The following SUZ12 variants were observed in gnomAD, a reference collection of about 807,000 sequenced individuals.
SUZ12 encodes the protein polycomb protein SUZ12.
In SUZ12, 17 loss-of-function variants were observed where a neutral mutation model predicts 87.3. That is an observed-to-expected ratio of 0.19 (90% CI 0.13 to 0.29). The LOEUF is 0.29. Ranked by LOEUF, SUZ12 falls within the 10% of genes least tolerant of loss-of-function variation. SUZ12 has a pLI of 1.00. For synonymous variants in SUZ12, 253 were observed against 312.4 expected (o/e 0.81, Z 2.01); for missense variants, 526 against 912.2 (o/e 0.58, Z 5.45).
intron 9 of SUZ12, among the ~76,000 whole-genome samples, chr17:31,984,196 C>G (rs1345428186): frequency 6.6e-6 from 1 of 152,036 alleles, no homozygotes; most frequent in East Asian, 1.9e-4. Flanking sequence ...TAGGAATAGA[C>G]AAGCATATCA....
intron 4 of SUZ12, among the ~76,000 whole-genome samples, chr17:31,960,839 A>G (rs1204935272): frequency 6.6e-6 from 1 of 152,144 alleles, no homozygotes; most frequent in African/African-American, 2.4e-5. Flanking sequence ...CTCCTTCCCA[A>G]AGTGCTGGGG....
chr17:31,991,509 C>A (rs1231687928), intron 10 of SUZ12, among the ~76,000 whole-genome samples: 2 of 150,836 alleles, frequency 1.3e-5, no homozygotes, highest in Admixed American at 6.6e-5. Flanking sequence ...CAAATTATAC[C>A]TAATTGTTAA....
In SUZ12 at chr17:31,937,387, A is replaced by G; in HGVS notation, c.141A>G (p.Gly47=). 2 of 1,526,610 alleles carry G rather than the reference A, an allele frequency of 1.3e-6. No individual in the cohort carries two copies. Among genetic ancestry groups the G allele is most frequent in the Non-Finnish European group, 1.8e-6 (2 of 1,138,338 alleles). The allele number at this position is 1,526,610 out of a possible 1,614,324, so 94.6% of individuals were successfully genotyped here. The change falls in exon 1 of 16, where the codon GGA becomes GGG. Residue 47 remains glycine, a synonymous_variant. Coordinates refer to ENST00000322652, the MANE Select transcript of SUZ12 (RefSeq NM_015355.4). ...GCAAATCCGGCGGCGGGAGCTGTGGAGGGGGTGGCAGTTACTCGGCCTCCT... is the reference window on the plus strand; with the variant it reads ...GCAAATCCGGCGGCGGGAGCTGTGGGGGGGGTGGCAGTTACTCGGCCTCCT... ...SGGKSGGGSC[G]GGGSYSASSS... is the part of the protein sequence containing the mutation.
At chr17:31,994,122 G>T in intron 12 of SUZ12, 114 bp downstream of exon 12, 2 of 975,516 alleles carry the variant, frequency 2.1e-6, no homozygotes, top group South Asian at 1.9e-5. Flanking sequence ...GAAAAAATAT[G>T]CATTAAGTAC....
At chr17:31,979,393 C>T (rs181122049) in intron 8 of SUZ12, among the ~76,000 whole-genome samples, 1 of 152,164 alleles carries the variant, frequency 6.6e-6, no homozygotes, top group African/African-American at 2.4e-5. Flanking sequence ...AATACTATCT[C>T]CCCAGTTGAC....
chr17:31,953,029 G>A (rs1323414519), intron 4 of SUZ12, among the ~76,000 whole-genome samples: 1 of 152,038 alleles, frequency 6.6e-6, no homozygotes, highest in Non-Finnish European at 1.5e-5. Context: ...TTCTATTCCT[G>A]GTCTTCTGTT....
intron 9 of SUZ12, among the ~76,000 whole-genome samples, chr17:31,986,544 TTTTTGTTTTG>T (rs370809527): frequency 1.0e-4 from 15 of 150,654 alleles, no homozygotes; most frequent in African/African-American, 4.9e-5. Flanking sequence ...TCTAAGTAGT[TTTTTGTTTTG>T]TTTTGTTTTG....
intron 12 of SUZ12, 115 bp downstream of exon 12, chr17:31,994,123 C>T: frequency 1.0e-6 from 1 of 959,600 alleles, no homozygotes. Flanking sequence ...AAAAAATATG[C>T]ATTAAGTACA....
chr17:31,963,042 T>C (rs1490737430), intron 4 of SUZ12, among the ~76,000 whole-genome samples: 9 of 152,274 alleles, frequency 5.9e-5, no homozygotes, highest in Admixed American at 5.9e-4. Flanking sequence ...AATGCTGTCT[T>C]TTTAGTAAAA....
chr17:31,957,433 C>T (rs1448632256), intron 4 of SUZ12, among the ~76,000 whole-genome samples: 5 of 150,010 alleles, frequency 3.3e-5, no homozygotes, highest in South Asian at 4.2e-4. Context: ...TTTTTTGGTA[C>T]GGAGTTTCTT....
intron 10 of SUZ12, 37 bp downstream of exon 10, chr17:31,988,534 G>A (rs1029388230): frequency 2.6e-6 from 4 of 1,540,778 alleles, no homozygotes; most frequent in Non-Finnish European, 3.5e-6. Context: ...TAAAATAATG[G>A]TTTGCAGAGT....
intron 8 of SUZ12, among the ~76,000 whole-genome samples, chr17:31,979,077 G>GCCT (rs1243446325): frequency 7.5e-6 from 1 of 134,190 alleles, no homozygotes; most frequent in Non-Finnish European, 1.5e-5. Context: ...CTGCACTCCA[G>GCCT]CCTGGTGACA....
chr17:31,945,845 A>T (rs1333187640), intron 3 of SUZ12, among the ~76,000 whole-genome samples: 2 of 152,210 alleles, frequency 1.3e-5, no homozygotes, highest in Non-Finnish European at 1.5e-5. Context: ...CTTAATCATT[A>T]CATAAACATT....
chr17:31,988,268 A>G (rs530209), intron 9 of SUZ12, 52 bp from the exon 10 acceptor site: 191,798 of 1,453,066 alleles, frequency 0.13, 13,832 homozygotes, highest in Middle Eastern at 0.18. Flanking sequence ...TCTACAATTT[A>G]TTTGAATTCA....
At position 31,986,924 on chromosome 17, in the gene SUZ12, A is replaced by G. The variant is rs544945479; in HGVS notation, c.1024-1396A>G. Among the ~76,000 whole-genome samples, 51 of 152,342 alleles carry G rather than the reference A, an allele frequency of 3.3e-4. 1 individual carries two copies. The highest frequency in any genetic ancestry group is 1.1e-3 in the African/African-American group (47 of 41,588). ...AGGAGTTTAGGCCTCTGTGGCAGTA[A>G]AATAAATTGAAGCTCATTGAAGACT... On this transcript the variant is annotated intron_variant, in intron 9 of 15. Coordinates refer to ENST00000322652, the MANE Select transcript of SUZ12 (RefSeq NM_015355.4).
chr17:31,983,727 A>G (rs1296899026), intron 9 of SUZ12, among the ~76,000 whole-genome samples: 2 of 152,228 alleles, frequency 1.3e-5, no homozygotes, highest in East Asian at 3.8e-4. Flanking sequence ...ATGAAATAAT[A>G]AAATATTTAG....
At chr17:31,954,603 C>T (rs1693759205) in intron 4 of SUZ12, among the ~76,000 whole-genome samples, 1 of 151,946 alleles carries the variant, frequency 6.6e-6, no homozygotes, top group Non-Finnish European at 1.5e-5. Flanking sequence ...AAGACATAAT[C>T]ATTTAATAAA....
chr17:31,954,819 A>G (rs1907209398), intron 4 of SUZ12, among the ~76,000 whole-genome samples: 1 of 152,176 alleles, frequency 6.6e-6, no homozygotes, highest in African/African-American at 2.4e-5. Flanking sequence ...GTTAAAGGGA[A>G]TATTACATAT....
Position 31,989,583 on chromosome 17 carries a change from G to GT in SUZ12, c.1201+1095dup, listed in dbSNP as rs938334071. Among the ~76,000 whole-genome samples, 108 of 135,866 alleles carry GT rather than the reference G, an allele frequency of 7.9e-4. 2 individuals carry two copies. Among genetic ancestry groups the GT allele is most frequent in the East Asian group, 2.4e-3 (12 of 4,928 alleles). 89.1% of individuals were successfully genotyped at this position (135,866 alleles called of 152,430 possible). ...CTACAAAGAGCTTTGGAACTAAGTT[G>GT]TTTTTTTTTGTTTTTTTTGTTTTTT... On this transcript the variant is annotated intron_variant, in intron 10 of 15. Coordinates refer to ENST00000322652, the MANE Select transcript of SUZ12 (RefSeq NM_015355.4).
Sources: gnomAD v4.1 joint callset for allele counts (sites outside exome capture counted in the v4.1 genomes callset) on GRCh38, gnomAD v4.1.1 for gene constraint, MANE v1.5 for transcripts, NCBI Gene and HGNC (gene_info 2026-07-23, HGNC 2026-07-21) for gene names.